ANK1: variants seen among roughly 807,000 people sequenced by gnomAD.
ANK1 encodes the protein ankyrin 1, also known as ankyrin-1.
In ANK1, 51 loss-of-function variants were observed where a neutral mutation model predicts 210.4. That is an observed-to-expected ratio of 0.24 (90% CI 0.19 to 0.31). The LOEUF (loss-of-function observed/expected upper bound fraction) is 0.31, where lower values mean the gene tolerates loss of function less well. ANK1 is among the 10% of genes least tolerant of loss of function. ANK1 has a pLI of 1.00. For synonymous variants in ANK1, 967 were observed against 1,025.9 expected (o/e 0.94, Z 1.10); for missense variants, 2,051 against 2,504.4 (o/e 0.82, Z 3.86).
chr8:41,725,644 G>C, intron 6 of ANK1, 117 bp downstream of exon 6: 1 of 1,403,356 alleles, frequency 7.1e-7, no homozygotes. Context: ...CGCTCAGTGC[G>C]CACTGCCCGC....
intron 40 of ANK1, 102 bp downstream of exon 40, chr8:41,663,557 C>T: frequency 8.3e-7 from 1 of 1,204,894 alleles, no homozygotes; most frequent in South Asian, 1.2e-5. Context: ...GCTGTGCTCA[C>T]CTGCTGTGAG....
At position 41,723,602 on chromosome 8, in the gene ANK1, C is replaced by T. The variant is rs760928262; in HGVS notation, c.743G>A (p.Arg248His). The T allele has an allele frequency of 3.7e-6, 6 of 1,613,538 alleles. No individual in the cohort carries two copies. The African/African-American group carries it at 6.7e-5, about 18-fold the overall frequency. The change falls in exon 8 of 43, where the codon CGC (arginine) becomes CAC (histidine). Residue 248 changes from arginine to histidine, a missense_variant. Coordinates refer to ENST00000289734, the MANE Select transcript of ANK1 (RefSeq NM_000037.4). The part of the protein sequence containing the change: ...NGITPLHIAS[R>H]RGNVIMVRLL... ...CCGCACCATGATCACGTTGCCCCTG[C>T]GGGAGGCGATGTGCAGTGGCGTGAT...
intron 1 of ANK1, among the ~76,000 whole-genome samples, chr8:41,870,644 G>C (rs937222911): frequency 1.3e-5 from 2 of 152,238 alleles, no homozygotes; most frequent in African/African-American, 4.8e-5. Context: ...ACATTTGCTG[G>C]ATGATGGGCC....
In ANK1 at chr8:41,696,519, C is replaced by T. The variant is rs780859723; in HGVS notation, c.2804G>A (p.Arg935Gln). 14 of 1,613,522 alleles carry T rather than the reference C, an allele frequency of 8.7e-6. No homozygotes were observed. Among genetic ancestry groups the T allele is most frequent in the African/African-American group, 2.7e-5 (2 of 74,922 alleles). The change falls in exon 26 of 43, where the codon CGA becomes CAA. Residue 935 changes from arginine (R) to glutamine (Q), a missense_variant. Arg to Gln is a conservative substitution (Grantham distance 43, BLOSUM62 1). Around this residue, in one of 6 missense-constraint regions of ANK1, gnomAD observed 1,413 missense variants for 1,707.4 expected, o/e 0.83. Coordinates refer to ENST00000289734, the MANE Select transcript of ANK1 (RefSeq NM_000037.4). ...GCACGTCCGTGGCGGGATCACCACT[C>T]GCAGGCCGTTGTGGCGACTTCCTCT... is the stretch of plus-strand genomic sequence containing the variant. Reference protein sequence around the residue: ...SMRGSRHNGLRVVIPPRTCAA... With the variant: ...SMRGSRHNGLQVVIPPRTCAA...
intron 1 of ANK1, among the ~76,000 whole-genome samples, chr8:41,876,320 C>G (rs555589395): frequency 6.6e-6 from 1 of 152,322 alleles, no homozygotes; most frequent in Admixed American, 6.5e-5. Context: ...CCTCGGCCAG[C>G]GGGCCTTGTC....
At chr8:41,661,300 C>T in intron 42 of ANK1, 130 bp downstream of exon 42, 2 of 1,383,122 alleles carry the variant, frequency 1.4e-6, no homozygotes, top group Non-Finnish European at 2.0e-6. Context: ...GAATCTCTGC[C>T]TCGAGACACA....
chr8:41,803,080 GAAGGGAAGGA>G (rs1850334860), intron 1 of ANK1, among the ~76,000 whole-genome samples: 1 of 46,180 alleles, frequency 2.2e-5, no homozygotes, highest in Admixed American at 2.6e-4. Context: ...AGGAAGGAAG[GAAGGGAAGGA>G]AAGGAAAGGA....
chr8:41,702,383 A>G (rs1823090673), intron 20 of ANK1, among the ~76,000 whole-genome samples: 1 of 152,098 alleles, frequency 6.6e-6, no homozygotes, highest in Admixed American at 6.5e-5. Flanking sequence ...TTCGATCTGC[A>G]GCGTCAAGTG....
At chr8:41,700,301 C>T (rs1220474519) in intron 22 of ANK1, 4 of 1,030,754 alleles carry the variant, frequency 3.9e-6, no homozygotes, top group Non-Finnish European at 4.4e-6. Flanking sequence ...TTTAGCTGAG[C>T]TCCTGGCTCC....
intron 1 of ANK1, among the ~76,000 whole-genome samples, chr8:41,825,759 G>A (rs1230986083): frequency 6.6e-6 from 1 of 152,118 alleles, no homozygotes; most frequent in Non-Finnish European, 1.5e-5. Flanking sequence ...TCATGGGGGT[G>A]GTTCTTTCCC....
intron 1 of ANK1, among the ~76,000 whole-genome samples, chr8:41,807,713 C>T (rs190922907): frequency 6.6e-6 from 1 of 152,252 alleles, no homozygotes; most frequent in East Asian, 1.9e-4. Context: ...AATCTTAGGG[C>T]ATTGACTTCC....
chr8:41,756,947 A>G lies in ANK1; in HGVS notation c.129+1089T>C, dbSNP rs557795007. ...AAAGAAGCCAATCTCAAAAGTACAA[A>G]TATAGCAGGATTCCGTTTCTGTGAG... On this transcript the variant is annotated intron_variant, in intron 2 of 42. Coordinates refer to ENST00000289734, the MANE Select transcript of ANK1 (RefSeq NM_000037.4). Among the ~76,000 whole-genome samples the G allele has an allele frequency of 2.6e-5, 4 of 152,344 alleles. No individual in the cohort carries two copies. The East Asian group carries it at 7.7e-4, about 29-fold the overall frequency.
intron 1 of ANK1, among the ~76,000 whole-genome samples, chr8:41,847,939 C>T (rs1312332102): frequency 3.3e-5 from 5 of 152,192 alleles, no homozygotes; most frequent in East Asian, 1.9e-4. Context: ...GAGGCCGAGG[C>T]GGGCAGATCA....
intron 1 of ANK1, among the ~76,000 whole-genome samples, chr8:41,759,392 G>C (rs1208116157): frequency 6.6e-6 from 1 of 152,102 alleles, no homozygotes; most frequent in Non-Finnish European, 1.5e-5. Flanking sequence ...TGTAGTCCCA[G>C]CTACTCAGGA....
rs551057596 is a variant in ANK1, at chr8:41,654,503, C to T, written c.*1287G>A. Reference sequence around the variant, plus strand: ...CCCAGGGTCCCCAGCCTGCAGGCTGCCTGGACTTAGAGCACCAAGTTCACT... The same window carrying T: ...CCCAGGGTCCCCAGCCTGCAGGCTGTCTGGACTTAGAGCACCAAGTTCACT... On this transcript the variant is annotated 3_prime_UTR_variant, in exon 43 of 43. Transcript: ENST00000289734. The T allele has an allele frequency of 6.6e-6, 1 of 152,640 alleles. No individual in the cohort carries two copies. The highest frequency in any genetic ancestry group is 2.1e-4 in the South Asian group (1 of 4,828). The allele number at this position is 152,640 out of a possible 1,614,324, so 9.5% of individuals were successfully genotyped here.
At chr8:41,795,009 G>T (rs547619822) in intron 1 of ANK1, among the ~76,000 whole-genome samples, 1 of 152,234 alleles carries the variant, frequency 6.6e-6, no homozygotes, top group African/African-American at 2.4e-5. Flanking sequence ...TGGCCGTAAA[G>T]GTTGTTAAAC....
chr8:41,749,379 C>T (rs1385665315), intron 2 of ANK1, among the ~76,000 whole-genome samples: 2 of 146,788 alleles, frequency 1.4e-5, no homozygotes, highest in African/African-American at 2.6e-5. Flanking sequence ...CTCACTGCAA[C>T]CTTCGCCTCC....
chr8:41,825,964 A>G (rs2150793234), intron 1 of ANK1, among the ~76,000 whole-genome samples: 1 of 152,154 alleles, frequency 6.6e-6, no homozygotes, highest in African/African-American at 2.4e-5. Context: ...TTAATAAATT[A>G]CCCAGTCTCG....
At chr8:41,717,426 G>T (rs975959756) in intron 12 of ANK1, among the ~76,000 whole-genome samples, 178 bp downstream of exon 12, 6 of 152,250 alleles carry the variant, frequency 3.9e-5, no homozygotes, top group Non-Finnish European at 8.8e-5. Context: ...TTACGGATGT[G>T]TGAGAAATTT....
Sources: gnomAD v4.1 joint callset for allele counts (sites outside exome capture counted in the v4.1 genomes callset) on GRCh38, gnomAD v4.1.1 for gene constraint, gnomAD v4.1.1 regional missense constraint, MANE v1.5 for transcripts, NCBI Gene and HGNC (gene_info 2026-07-23, HGNC 2026-07-21) for gene names.